COLEC10: variants seen among roughly 807,000 people sequenced by gnomAD.
COLEC10 encodes collectin-10.
Under a neutral mutation model 28.4 loss-of-function variants are expected in COLEC10, and 22 were observed. That is an observed-to-expected ratio of 0.78 (90% CI 0.55 to 1.11). COLEC10 has a LOEUF of 1.11. Ranked by LOEUF, COLEC10 falls within the 50% of genes least tolerant of loss-of-function variation. The pLI is 0.00. For missense variants in COLEC10, 361 were observed against 344.1 expected, an observed-to-expected ratio of 1.05 and a Z score of -0.39; for synonymous variants, 125 against 116.1, an observed-to-expected ratio of 1.08 and a Z score of -0.49.
At chr8:119,043,312 A>G (rs1814530527) in intron 2 of COLEC10, among the ~76,000 whole-genome samples, 1 of 152,140 alleles carries the variant, frequency 6.6e-6, no homozygotes, top group South Asian at 2.1e-4. Flanking sequence ...AAAACATTGC[A>G]AGGATTTGTA....
At chr8:119,003,513 G>GT (rs1198941116) in intron 1 of COLEC10, among the ~76,000 whole-genome samples, 2 of 152,068 alleles carry the variant, frequency 1.3e-5, no homozygotes, top group African/African-American at 4.8e-5. Context: ...GAAGGCTGTG[G>GT]TAGACATCAC....
upstream of COLEC10, among the ~76,000 whole-genome samples, chr8:119,063,788 C>G (rs532325329): frequency 1.3e-4 from 19 of 151,070 alleles, no homozygotes; most frequent in South Asian, 4.0e-3. Context: ...TTGTTATTTA[C>G]TTTAATGACA....
the COLEC10 span, among the ~76,000 whole-genome samples, chr8:118,981,996 CT>C: frequency 0.033 from 4,800 of 147,386 alleles, 115 homozygotes; most frequent in Non-Finnish European, 0.052. Flanking sequence ...ATCACCCCTA[CT>C]TTTTTTTTTT....
rs1814987793 is a variant in COLEC10, at chr8:119,067,338, T to C, written c.57T>C (p.Phe19=). 6.2e-7 allele frequency: 1 copy of C among 1,613,974 alleles called. No homozygotes were observed. Among genetic ancestry groups the C allele is most frequent in the South Asian group, 1.1e-5 (1 of 91,082 alleles). The change falls in exon 1 of 6, where the codon TTT becomes TTC. Residue 19 remains phenylalanine (F), a synonymous_variant. Coordinates refer to ENST00000332843, the MANE Select transcript of COLEC10 (RefSeq NM_006438.5). ...ACCAATTTATCCTCCTGGTACTATT[T>C]CTTTTGCAAATTCAGAGTCTGGGTC... ...RRNQFILLVL[F]LLQIQSLGLD...
At position 119,102,404 on chromosome 8, in the gene COLEC10, A is replaced by G. The variant is rs1262133073; in HGVS notation, c.346+3A>G. On this transcript the variant is annotated splice_donor_region_variant and intron_variant, in intron 4 of 5. Coordinates refer to ENST00000332843, the MANE Select transcript of COLEC10 (RefSeq NM_006438.5). Reference sequence around the variant, plus strand: ...ACCTGGAGAAAAAGGCAAAGCAGGTACGATATGTTCAATGTTCTCTTTGAT... The same window carrying G: ...ACCTGGAGAAAAAGGCAAAGCAGGTGCGATATGTTCAATGTTCTCTTTGAT... 8 of 1,606,988 alleles carry G rather than the reference A, an allele frequency of 5.0e-6. No individual in the cohort carries two copies. Among genetic ancestry groups the G allele is most frequent in the Non-Finnish European group, 6.0e-6 (7 of 1,175,486 alleles).
At chr8:119,019,077 G>T (rs1422263962) in intron 2 of COLEC10, among the ~76,000 whole-genome samples, 1 of 152,182 alleles carries the variant, frequency 6.6e-6, no homozygotes, top group Non-Finnish European at 1.5e-5. Context: ...AACTCCCAGA[G>T]CTCAGGATTT....
At chr8:118,970,152 G>C in the COLEC10 span, among the ~76,000 whole-genome samples, 1 of 151,928 alleles carries the variant, frequency 6.6e-6, no homozygotes, top group Non-Finnish European at 1.5e-5. Flanking sequence ...GTTTTTATTG[G>C]ATAACTTTTA....
At chr8:118,967,881 C>T in the COLEC10 span, among the ~76,000 whole-genome samples, 27 of 151,968 alleles carry the variant, frequency 1.8e-4, no homozygotes, top group African/African-American at 6.5e-4. Flanking sequence ...TAAAGTATCA[C>T]AACATGACAG....
chr8:119,029,584 T>C (rs1467457069), intron 2 of COLEC10, among the ~76,000 whole-genome samples: 1 of 152,170 alleles, frequency 6.6e-6, no homozygotes, highest in African/African-American at 2.4e-5. Context: ...TGGAGCAGTT[T>C]TGCCTCGCAA....
the COLEC10 span, among the ~76,000 whole-genome samples, chr8:118,989,534 TACAC>T: frequency 0.047 from 6,002 of 128,536 alleles, 130 homozygotes; most frequent in African/African-American, 0.06. Flanking sequence ...ACAGACAAAA[TACAC>T]ACACACACAC....
intron 3 of COLEC10, among the ~76,000 whole-genome samples, chr8:119,097,939 A>G (rs969802808): frequency 2.6e-5 from 4 of 152,024 alleles, no homozygotes; most frequent in Admixed American, 6.6e-5. Context: ...CATCTTAACT[A>G]TTTTTAAGTG....
At chr8:119,062,870 T>C (rs1350718959), upstream of COLEC10, 1 of 152,232 alleles carries the variant, frequency 6.6e-6, no homozygotes, top group Non-Finnish European at 1.5e-5. Flanking sequence ...AAATGCATTA[T>C]TTTAAAAGTC....
chr8:118,961,254 C>G, the COLEC10 span, among the ~76,000 whole-genome samples: 1 of 152,272 alleles, frequency 6.6e-6, no homozygotes, highest in African/African-American at 2.4e-5. Context: ...AAAATTAAAG[C>G]AGGAACTTGT....
At chr8:119,044,051 A>G (rs1490495785) in intron 2 of COLEC10, among the ~76,000 whole-genome samples, 1 of 152,242 alleles carries the variant, frequency 6.6e-6, no homozygotes, top group African/African-American at 2.4e-5. Context: ...GAACATATTT[A>G]CCATTAGGCT....
the COLEC10 span, among the ~76,000 whole-genome samples, chr8:118,965,927 A>G: frequency 6.6e-6 from 1 of 152,124 alleles, no homozygotes; most frequent in Non-Finnish European, 1.5e-5. Flanking sequence ...TGTTATTTGA[A>G]TGGGTGGCTG....
chr8:119,021,924 T>C (rs1265775156), intron 2 of COLEC10, among the ~76,000 whole-genome samples: 2 of 152,154 alleles, frequency 1.3e-5, no homozygotes, highest in Non-Finnish European at 2.9e-5. Context: ...TGAATGTATA[T>C]GAAACAGGTC....
chr8:119,055,193 T>C (rs1814740772), intron 2 of COLEC10, among the ~76,000 whole-genome samples: 1 of 152,032 alleles, frequency 6.6e-6, no homozygotes, highest in Admixed American at 6.6e-5. Flanking sequence ...TTCTCTGTGT[T>C]GAGTATCAAA....
chr8:118,981,804 G>A, the COLEC10 span, among the ~76,000 whole-genome samples: 1 of 152,086 alleles, frequency 6.6e-6, no homozygotes, highest in African/African-American at 2.4e-5. Flanking sequence ...CCCAGGTGAT[G>A]GGATAAGAAA....
chr8:119,054,853 T>C lies in COLEC10; in HGVS notation n.236-34827T>C, dbSNP rs73325462. On this transcript the variant is annotated intron_variant and non_coding_transcript_variant, in intron 2 of 6. Coordinates refer to the COLEC10 transcript ENST00000521788. ...TATGTGTATAAAAGACTGCAATATCTATGAATGTTATGAAGTAGAAATTTT... is the reference window on the plus strand; with the variant it reads ...TATGTGTATAAAAGACTGCAATATCCATGAATGTTATGAAGTAGAAATTTT... 4.2e-3 allele frequency among the ~76,000 whole-genome samples: 641 copies of C among 152,248 alleles called. 4 individuals carry two copies. The highest frequency in any genetic ancestry group is 0.014 in the African/African-American group (575 of 41,574).
Sources: allele counts gnomAD v4.1 joint callset (sites outside exome capture counted in the v4.1 genomes callset), GRCh38; gene constraint gnomAD v4.1.1; transcripts MANE v1.5; gene names NCBI Gene and HGNC (gene_info 2026-07-23, HGNC 2026-07-21).